The following CALN1 variants were observed in gnomAD, a reference collection of about 807,000 sequenced individuals.
CALN1 encodes calcium-binding protein 8.
A neutral mutation model predicts 30.6 loss-of-function variants in CALN1; 17 were observed. That is an observed-to-expected ratio of 0.56 (90% CI 0.38 to 0.83). The LOEUF (loss-of-function observed/expected upper bound fraction) is 0.83. CALN1 is among the 40% of genes least tolerant of loss of function. CALN1 has a pLI of 0.00. For synonymous variants in CALN1, 156 were observed against 131.4 expected, an observed-to-expected ratio of 1.19 and a Z score of -1.28; for missense variants, 291 against 354.9, an observed-to-expected ratio of 0.82 and a Z score of 1.45.
At chr7:71,965,595 C>T (rs960600863) in intron 5 of CALN1, among the ~76,000 whole-genome samples, 5 of 150,630 alleles carry the variant, frequency 3.3e-5, no homozygotes, top group Non-Finnish European at 1.5e-5. Context: ...AACAAACAAA[C>T]ATTAAATGCA....
chr7:71,937,921 T>C (rs946072766), intron 5 of CALN1, among the ~76,000 whole-genome samples: 10 of 152,210 alleles, frequency 6.6e-5, no homozygotes, highest in African/African-American at 2.2e-4. Context: ...ACTGCCCTTT[T>C]CCAGAACCAC....
chr7:71,919,855 A>C (rs1161863431), intron 5 of CALN1, among the ~76,000 whole-genome samples: 1 of 152,174 alleles, frequency 6.6e-6, no homozygotes, highest in Non-Finnish European at 1.5e-5. Flanking sequence ...CTCAAACTAA[A>C]AGGGATTTCT....
chr7:71,905,653 CTAT>C (rs1032508203), intron 5 of CALN1, among the ~76,000 whole-genome samples: 41 of 152,000 alleles, frequency 2.7e-4, no homozygotes, highest in African/African-American at 8.5e-4. Context: ...GAGATAAACT[CTAT>C]AAAGATTCTA....
In CALN1 at chr7:72,330,466, CAAAAAA is replaced by C. The variant is rs34819395; in HGVS notation, c.120-51662_120-51657del. On this transcript the variant is annotated intron_variant, in intron 2 of 6. Coordinates refer to ENST00000395275, the MANE Select transcript of CALN1 (RefSeq NM_031468.4). Reference sequence around the variant, plus strand: ...CTGGGCAACAGAGCAAGACTGTCTCCAAAAAAAAAAAAAAAAAAAAGAGAGAGAGAC... The same window carrying C: ...CTGGGCAACAGAGCAAGACTGTCTCCAAAAAAAAAAAAAAGAGAGAGAGAC... Among the ~76,000 whole-genome samples the C allele has an allele frequency of 1.1e-4, 12 of 113,030 alleles. No individual in the cohort carries two copies. In the East Asian group the frequency reaches 2.3e-3, roughly 22 times the overall value. The allele number at this position is 113,030 out of a possible 152,430, so 74.2% of individuals were successfully genotyped here. A position where few individuals can be genotyped will look rare whatever the true frequency, so the allele number is the denominator to read the frequency against.
chr7:72,017,409 G>A (rs1262680677), intron 5 of CALN1, among the ~76,000 whole-genome samples: 2 of 152,128 alleles, frequency 1.3e-5, no homozygotes, highest in Non-Finnish European at 2.9e-5. Context: ...AAGCAAGTCA[G>A]CGTGGCAAAC....
intron 1 of CALN1, among the ~76,000 whole-genome samples, chr7:72,418,811 G>A (rs1053080477): frequency 6.6e-6 from 1 of 152,082 alleles, no homozygotes; most frequent in African/African-American, 2.4e-5. Context: ...AGGAGTTTGA[G>A]GCCAGCCTGA....
At chr7:71,888,151 G>A (rs553969609) in intron 5 of CALN1, among the ~76,000 whole-genome samples, 1 of 152,072 alleles carries the variant, frequency 6.6e-6, no homozygotes, top group Non-Finnish European at 1.5e-5. Flanking sequence ...AGAGGGCTAA[G>A]GAGTAGGGTC....
At chr7:71,851,346 T>C (rs1235397550) in intron 5 of CALN1, among the ~76,000 whole-genome samples, 1 of 137,184 alleles carries the variant, frequency 7.3e-6, no homozygotes, top group Non-Finnish European at 1.6e-5. Context: ...CAAAACCCCA[T>C]CTCTACTAAA....
chr7:71,874,592 A>C (rs1584421211), intron 5 of CALN1, among the ~76,000 whole-genome samples: 1 of 152,102 alleles, frequency 6.6e-6, no homozygotes, highest in Admixed American at 6.5e-5. Context: ...TGTTGTGTAT[A>C]CTCACCAGCC....
At chr7:72,122,037 C>T (rs1351704160) in intron 3 of CALN1, among the ~76,000 whole-genome samples, 2 of 151,688 alleles carry the variant, frequency 1.3e-5, no homozygotes, top group Admixed American at 6.6e-5. Context: ...AATAGTCATT[C>T]GTCACACAGC....
At chr7:72,045,040 T>C (rs1332485737) in intron 4 of CALN1, among the ~76,000 whole-genome samples, 1 of 152,212 alleles carries the variant, frequency 6.6e-6, no homozygotes, top group Non-Finnish European at 1.5e-5. Flanking sequence ...TGATGTGTTT[T>C]TGCTCAACTT....
At chr7:71,840,484 TTAAAAA>T (rs1562828545) in intron 5 of CALN1, among the ~76,000 whole-genome samples, 1 of 84,184 alleles carries the variant, frequency 1.2e-5, no homozygotes, top group Non-Finnish European at 2.3e-5. Context: ...GATGCTCTCT[TTAAAAA>T]AAAAAAAAAA....
intron 2 of CALN1, among the ~76,000 whole-genome samples, chr7:72,289,739 ATATT>A (rs371560427): frequency 1.1e-3 from 168 of 152,256 alleles, no homozygotes; most frequent in African/African-American, 3.9e-3. Flanking sequence ...TGAATTTTAA[ATATT>A]TATTACCTTG....
intron 4 of CALN1, among the ~76,000 whole-genome samples, chr7:72,102,708 TAG>T (rs1806764453): frequency 6.6e-6 from 1 of 152,046 alleles, no homozygotes; most frequent in African/African-American, 2.4e-5. Flanking sequence ...GAAGCAACTA[TAG>T]AGACAGAAAA....
At chr7:72,241,574 C>A (rs956179018) in intron 3 of CALN1, among the ~76,000 whole-genome samples, 1 of 151,988 alleles carries the variant, frequency 6.6e-6, no homozygotes, top group Non-Finnish European at 1.5e-5. Flanking sequence ...GGCGTGGTGG[C>A]GCATGCCTGT....
intron 2 of CALN1, among the ~76,000 whole-genome samples, chr7:72,368,424 T>A (rs181947313): frequency 6.6e-6 from 1 of 151,984 alleles, no homozygotes; most frequent in Non-Finnish European, 1.5e-5. Flanking sequence ...TGGTGCCACA[T>A]AGAAATGGGA....
chr7:72,262,734 C>CT (rs766623290), intron 3 of CALN1, among the ~76,000 whole-genome samples: 1 of 152,120 alleles, frequency 6.6e-6, no homozygotes, highest in Non-Finnish European at 1.5e-5. Flanking sequence ...ACTACGTTTT[C>CT]TTTAAGAGGA....
At chr7:71,952,931 T>A (rs930893207) in intron 5 of CALN1, among the ~76,000 whole-genome samples, 1 of 152,138 alleles carries the variant, frequency 6.6e-6, no homozygotes, top group Admixed American at 6.6e-5. Flanking sequence ...ATAAATGCCT[T>A]TTGCATGGCT....
chr7:72,169,304 C>G (rs1788766229), intron 3 of CALN1, among the ~76,000 whole-genome samples: 1 of 151,750 alleles, frequency 6.6e-6, no homozygotes, highest in Non-Finnish European at 1.5e-5. Flanking sequence ...TATCTTTTTG[C>G]TTTGTTAGTT....
Sources: allele counts gnomAD v4.1 joint callset (sites outside exome capture counted in the v4.1 genomes callset), GRCh38; gene constraint gnomAD v4.1.1; transcripts MANE v1.5; gene names NCBI Gene and HGNC (gene_info 2026-07-23, HGNC 2026-07-21).